LRMDA: variants seen among roughly 807,000 people sequenced by gnomAD.
The protein encoded by LRMDA is leucine rich melanocyte differentiation associated.
Under a neutral mutation model 29.8 loss-of-function variants are expected in LRMDA, and 18 were observed. That is an observed-to-expected ratio of 0.60 (90% CI 0.42 to 0.90). LRMDA has a LOEUF of 0.90. Among genes scored for constraint, LRMDA ranks in the 40% least tolerant of loss-of-function variants. The pLI is 0.00. For missense variants in LRMDA, 273 were observed against 273.9 expected (o/e 1.00, Z 0.02); for synonymous variants, 125 against 109.4 (o/e 1.14, Z -0.89).
At chr10:75,990,284 A>G (rs1379188923) in intron 2 of LRMDA, among the ~76,000 whole-genome samples, 1 of 152,162 alleles carries the variant, frequency 6.6e-6, no homozygotes, top group African/African-American at 2.4e-5. Flanking sequence ...TCTGCTTAGC[A>G]TTTAATTTTA....
chr10:75,693,046 C>T (rs11001469), intron 2 of LRMDA, among the ~76,000 whole-genome samples: 5,752 of 152,176 alleles, frequency 0.038, 272 homozygotes, highest in African/African-American at 0.11. Flanking sequence ...TGAAATGCCG[C>T]GAACAGCCAT....
At chr10:75,661,939 C>T (rs1841758529) in intron 2 of LRMDA, among the ~76,000 whole-genome samples, 1 of 152,082 alleles carries the variant, frequency 6.6e-6, no homozygotes, top group African/African-American at 2.4e-5. Flanking sequence ...TCCAGTATAC[C>T]AGACAAATTA....
chr10:76,052,650 G>C (rs1170579742), intron 4 of LRMDA, among the ~76,000 whole-genome samples: 1 of 152,180 alleles, frequency 6.6e-6, no homozygotes, highest in African/African-American at 2.4e-5. Flanking sequence ...TAAGCAAATG[G>C]AACATTCTAT....
At chr10:76,548,173 C>T (rs941717600) in intron 6 of LRMDA, among the ~76,000 whole-genome samples, 4 of 152,088 alleles carry the variant, frequency 2.6e-5, no homozygotes, top group Non-Finnish European at 4.4e-5. Context: ...GTGCCTGGTC[C>T]GGTTCTGTCA....
chr10:76,332,731 A>G (rs1175192027), intron 6 of LRMDA, among the ~76,000 whole-genome samples: 1 of 152,240 alleles, frequency 6.6e-6, no homozygotes, highest in Non-Finnish European at 1.5e-5. Context: ...AGAAAAAAGT[A>G]TGATATGGTC....
At chr10:76,439,572 T>C (rs539967830) in intron 6 of LRMDA, among the ~76,000 whole-genome samples, 5 of 152,284 alleles carry the variant, frequency 3.3e-5, no homozygotes, top group South Asian at 2.1e-4. Context: ...AAGAATTCAG[T>C]GAGCTCCTAA....
At chr10:76,306,981 T>G (rs997368746) in intron 5 of LRMDA, among the ~76,000 whole-genome samples, 6 of 152,206 alleles carry the variant, frequency 3.9e-5, no homozygotes, top group Non-Finnish European at 7.3e-5. Flanking sequence ...TGTTGACATA[T>G]ATATGTGTGG....
chr10:75,917,883 G>A (rs1392111062), intron 2 of LRMDA, among the ~76,000 whole-genome samples: 1 of 152,158 alleles, frequency 6.6e-6, no homozygotes. Context: ...GTGCTTGCAG[G>A]AGCAGCATCC....
At chr10:75,914,561 ATCAGAGACCCATTT>A (rs1259977135) in intron 2 of LRMDA, among the ~76,000 whole-genome samples, 3 of 152,208 alleles carry the variant, frequency 2.0e-5, no homozygotes, top group Middle Eastern at 3.2e-3. Flanking sequence ...GTCTCCCAAT[ATCAGAGACCCATTT>A]TCTGCTGTGA....
At chr10:75,667,702 G>C (rs1212315093) in intron 2 of LRMDA, among the ~76,000 whole-genome samples, 1 of 152,076 alleles carries the variant, frequency 6.6e-6, no homozygotes, top group Non-Finnish European at 1.5e-5. Flanking sequence ...TCTATTTCTA[G>C]AATCAGCTGG....
intron 2 of LRMDA, chr10:75,451,656 A>C (rs983577552): frequency 2.0e-5 from 3 of 152,178 alleles, no homozygotes; most frequent in African/African-American, 7.2e-5. Flanking sequence ...GATTGTTTAC[A>C]AATAACTGAT....
At chr10:76,295,323 G>A (rs762117906) in intron 5 of LRMDA, among the ~76,000 whole-genome samples, 4 of 152,204 alleles carry the variant, frequency 2.6e-5, no homozygotes, top group Non-Finnish European at 5.9e-5. Context: ...AGATGTCTAC[G>A]TCTGTGTGGG....
chr10:76,553,218 C>T (rs1011270806), intron 6 of LRMDA, among the ~76,000 whole-genome samples: 1 of 152,318 alleles, frequency 6.6e-6, no homozygotes, highest in African/African-American at 2.4e-5. Flanking sequence ...CAGCCTGACA[C>T]AGGGCAAGCC....
At chr10:75,791,952 C>G (rs549097360) in intron 2 of LRMDA, among the ~76,000 whole-genome samples, 3 of 150,440 alleles carry the variant, frequency 2.0e-5, no homozygotes, top group East Asian at 2.0e-4. Flanking sequence ...CTCTGCCTCC[C>G]AGGTTCACGC....
At chr10:75,623,074 C>T (rs1335627315) in intron 2 of LRMDA, among the ~76,000 whole-genome samples, 1 of 152,080 alleles carries the variant, frequency 6.6e-6, no homozygotes, top group Non-Finnish European at 1.5e-5. Context: ...AACTCTGGGG[C>T]CATAATAAAA....
intron 2 of LRMDA, among the ~76,000 whole-genome samples, chr10:75,579,460 C>T (rs4431970): frequency 2.0e-5 from 3 of 151,932 alleles, no homozygotes; most frequent in Admixed American, 6.5e-5. Flanking sequence ...GTCCAGGACC[C>T]GATGGATTCA....
intron 2 of LRMDA, among the ~76,000 whole-genome samples, chr10:76,017,192 G>A (rs1056380213): frequency 1.5e-4 from 23 of 152,236 alleles, no homozygotes; most frequent in African/African-American, 4.3e-4. Flanking sequence ...CATGAAGGCC[G>A]GAGTTAGGCT....
Position 76,016,737 on chromosome 10 carries a change from G to A in LRMDA, c.132-19271G>A, listed in dbSNP as rs539972553. On this transcript the variant is annotated intron_variant, in intron 2 of 6. Transcript: ENST00000611255. The stretch of plus-strand genomic sequence containing the variant: ...CTGTACTTTTATAGTCTGAATGATG[G>A]TCATCTTACACTAGGAATCAGAGGC... Among the ~76,000 whole-genome samples the A allele has an allele frequency of 3.9e-5, 6 of 152,256 alleles. No homozygotes were observed. The South Asian group carries it at 1.2e-3, about 32-fold the overall frequency.
At chr10:76,248,892 C>T (rs764304236) in intron 5 of LRMDA, among the ~76,000 whole-genome samples, 2 of 152,168 alleles carry the variant, frequency 1.3e-5, no homozygotes, top group Non-Finnish European at 2.9e-5. Context: ...TTACAGCAGC[C>T]TCATCCTATG....
Sources: allele counts gnomAD v4.1 joint callset (sites outside exome capture counted in the v4.1 genomes callset), GRCh38; gene constraint gnomAD v4.1.1; transcripts MANE v1.5; gene names NCBI Gene and HGNC (gene_info 2026-07-23, HGNC 2026-07-21).